OPRM1: variants seen among roughly 807,000 people sequenced by gnomAD.
The protein encoded by OPRM1 is mu-type opioid receptor.
In OPRM1, 27 loss-of-function variants were observed where a neutral mutation model predicts 31.8. That is an observed-to-expected ratio of 0.85 (90% confidence interval 0.63 to 1.17). OPRM1 has a LOEUF of 1.17. Ranked by LOEUF, OPRM1 falls within the 50% of genes most tolerant of loss-of-function variation. OPRM1 has a pLI of 0.00. For synonymous variants in OPRM1, 196 were observed against 189.9 expected (o/e 1.03, Z -0.26); for missense variants, 536 against 511.1 (o/e 1.05, Z -0.47).
chr6:154,232,969 CTTTTTTT>C (rs780567029), intron 3 of OPRM1, among the ~76,000 whole-genome samples: 1 of 134,616 alleles, frequency 7.4e-6, no homozygotes, highest in South Asian at 2.4e-4. Context: ...TTTTTCTTTT[CTTTTTTT>C]TTTTTTTTTG....
intron 1 of OPRM1, among the ~76,000 whole-genome samples, chr6:154,077,591 C>T (rs1367089046): frequency 2.0e-5 from 3 of 151,556 alleles, no homozygotes; most frequent in African/African-American, 7.3e-5. Context: ...ATTATCCAGG[C>T]GTGGTGGCAC....
At chr6:154,134,413 A>G (rs1347516893), downstream of OPRM1, among the ~76,000 whole-genome samples, 1 of 152,152 alleles carries the variant, frequency 6.6e-6, no homozygotes, top group Non-Finnish European at 1.5e-5. Context: ...CCTCTCTGAA[A>G]TGGTTTATGT....
intron 3 of OPRM1, among the ~76,000 whole-genome samples, chr6:154,193,017 GAT>G (rs1802065242): frequency 6.6e-6 from 1 of 152,098 alleles, no homozygotes; most frequent in African/African-American, 2.4e-5. Flanking sequence ...CCCACTACTG[GAT>G]ATCTACTCAC....
chr6:154,108,013 C>T (rs1276688668), intron 3 of OPRM1: 4 of 653,234 alleles, frequency 6.1e-6, no homozygotes, highest in South Asian at 3.7e-5. Context: ...ACCGTTTGCA[C>T]AGAGAGAAAG....
At chr6:154,108,198 T>G (rs368653575) in intron 3 of OPRM1, 7 of 450,182 alleles carry the variant, frequency 1.6e-5, no homozygotes, top group East Asian at 1.0e-4. Flanking sequence ...AAAACACATG[T>G]GATAAAACAT....
intron 1 of OPRM1, among the ~76,000 whole-genome samples, chr6:154,065,385 T>C (rs1262130324): frequency 6.6e-6 from 1 of 152,142 alleles, no homozygotes; most frequent in East Asian, 1.9e-4. Context: ...CTTGACCTTG[T>C]GACCCACCTG....
intron 3 of OPRM1, chr6:154,156,793 G>A (rs1183883666): frequency 2.0e-5 from 3 of 152,190 alleles, no homozygotes; most frequent in Non-Finnish European, 4.4e-5. Context: ...GTGTCTATTT[G>A]CAATATATCA....
chr6:154,031,815 A>G (rs1779026214), intron 1 of OPRM1, among the ~76,000 whole-genome samples: 1 of 151,982 alleles, frequency 6.6e-6, no homozygotes, highest in Non-Finnish European at 1.5e-5. Context: ...ATGAGCAAAA[A>G]CAGAGAAGAA....
At chr6:154,111,835 G>A (rs749930309) in intron 3 of OPRM1, among the ~76,000 whole-genome samples, 40 of 151,878 alleles carry the variant, frequency 2.6e-4, no homozygotes, top group Non-Finnish European at 4.1e-4. Flanking sequence ...GTGCCATCTC[G>A]GCTCACTGCA....
intron 3 of OPRM1, among the ~76,000 whole-genome samples, chr6:154,162,956 T>A (rs1799144568): frequency 6.6e-6 from 1 of 152,162 alleles, no homozygotes; most frequent in African/African-American, 2.4e-5. Context: ...CCTACCGTAG[T>A]CTTCCACAAA....
At chr6:154,192,670 A>T (rs1285919447) in intron 3 of OPRM1, among the ~76,000 whole-genome samples, 2 of 152,124 alleles carry the variant, frequency 1.3e-5, no homozygotes, top group Non-Finnish European at 2.9e-5. Context: ...AGGAAGAAAA[A>T]AAAATGACTT....
intron 3 of OPRM1, among the ~76,000 whole-genome samples, chr6:154,222,469 A>T (rs1180100940): frequency 6.6e-6 from 1 of 152,248 alleles, no homozygotes; most frequent in South Asian, 2.1e-4. Context: ...AGGTAGAAGA[A>T]ATAATAAGAA....
intron 3 of OPRM1, among the ~76,000 whole-genome samples, chr6:154,101,923 TA>T (rs1335739046): frequency 6.6e-6 from 1 of 152,182 alleles, no homozygotes; most frequent in Non-Finnish European, 1.5e-5. Context: ...AGATGCAAGA[TA>T]AAATCCTAAA....
upstream of OPRM1, among the ~76,000 whole-genome samples, chr6:154,038,524 A>G (rs1779459975): frequency 6.6e-6 from 1 of 152,188 alleles, no homozygotes; most frequent in Non-Finnish European, 1.5e-5. Flanking sequence ...CTGAATGCAA[A>G]TTTTGTTTTG....
intron 3 of OPRM1, among the ~76,000 whole-genome samples, chr6:154,093,872 A>G (rs1280665032): frequency 1.3e-5 from 2 of 152,262 alleles, no homozygotes; most frequent in Non-Finnish European, 2.9e-5. Flanking sequence ...GGAACAATAC[A>G]TAAGCTGCTA....
chr6:154,098,380 CTT>C (rs1318685239), intron 3 of OPRM1, among the ~76,000 whole-genome samples: 1 of 152,130 alleles, frequency 6.6e-6, no homozygotes, highest in Non-Finnish European at 1.5e-5. Flanking sequence ...TTTGGTTAAA[CTT>C]AAGTGGTGAA....
intron 3 of OPRM1, chr6:154,107,496 A>G (rs1376788145): frequency 1.4e-6 from 1 of 718,486 alleles, no homozygotes; most frequent in African/African-American, 1.7e-5. Context: ...CACTGTGAAA[A>G]TGCAAAGCCT....
At chr6:154,096,454 T>C (rs189389059) in intron 3 of OPRM1, among the ~76,000 whole-genome samples, 29 of 152,290 alleles carry the variant, frequency 1.9e-4, no homozygotes, top group Admixed American at 1.9e-3. Flanking sequence ...AGTTGAATTA[T>C]CACTGAAACG....
At chr6:154,167,809 C>T in intron 3 of OPRM1, 1 of 757,796 alleles carries the variant, frequency 1.3e-6, no homozygotes, top group African/African-American at 1.7e-5. Context: ...CTTTTACAGC[C>T]CTTCCCTGCA....
Sources: gnomAD v4.1 joint callset for allele counts (sites outside exome capture counted in the v4.1 genomes callset) on GRCh38, gnomAD v4.1.1 for gene constraint, MANE v1.5 for transcripts, NCBI Gene and HGNC (gene_info 2026-07-23, HGNC 2026-07-21) for gene names.